Variants in B3GALT1 observed in about 807,000 individuals in gnomAD.
B3GALT1 encodes the protein beta-1,3-galactosyltransferase 1.
B3GALT1 carries 10 observed loss-of-function variants against 23.2 expected under a neutral mutation model. The observed-to-expected ratio is 0.43, with a 90% CI of 0.27 to 0.73. B3GALT1 has a LOEUF of 0.73. Among genes scored for constraint, B3GALT1 ranks in the 30% least tolerant of loss-of-function variants. The pLI, the probability that B3GALT1 is intolerant of heterozygous loss-of-function variation, is 0.21. For missense variants in B3GALT1, 299 were observed against 405.4 expected (o/e 0.74, Z 2.25); for synonymous variants, 156 against 141.5 (o/e 1.10, Z -0.73).
rs1004683367 is a variant in B3GALT1, at chr2:167,299,971, C to T, written c.-511+6637C>T. 1.1e-4 allele frequency among the ~76,000 whole-genome samples: 16 copies of T among 152,078 alleles called. No homozygotes were observed. The Middle Eastern group carries it at 0.01, about 97-fold the overall frequency. ...AGGCTGGAGTGCAGTGGTGCCATCT[C>T]GGCTCACTGCAACCTCTTCCTCCCG... On this transcript the variant is annotated intron_variant, in intron 1 of 4. Coordinates refer to ENST00000392690, the MANE Select transcript of B3GALT1 (RefSeq NM_020981.4).
rs184258333 is a variant in B3GALT1 at position 167,470,472 on chromosome 2, G to A, written c.-510-19705G>A. Reference sequence around the variant, plus strand: ...ATCCAGTGCAATTTATTGGAATACTGTAAAGAATTGGATTTTAAATAATAG... The same window carrying A: ...ATCCAGTGCAATTTATTGGAATACTATAAAGAATTGGATTTTAAATAATAG... On this transcript the variant is annotated intron_variant, in intron 1 of 4. Coordinates refer to ENST00000392690, the MANE Select transcript of B3GALT1 (RefSeq NM_020981.4). Among the ~76,000 whole-genome samples the A allele has an allele frequency of 2.8e-3, 425 of 152,220 alleles. 2 individuals are homozygous for A. The highest frequency in any genetic ancestry group is 4.4e-3 in the Non-Finnish European group (296 of 68,004).
chr2:167,652,295 G>C (rs1363807532), intron 3 of B3GALT1, among the ~76,000 whole-genome samples: 3 of 152,156 alleles, frequency 2.0e-5, no homozygotes. Flanking sequence ...AGGCAGACAA[G>C]CTTGTTCTTG....
intron 1 of B3GALT1, among the ~76,000 whole-genome samples, chr2:167,310,352 T>G (rs1040410648): frequency 6.6e-6 from 1 of 152,066 alleles, no homozygotes; most frequent in South Asian, 2.1e-4. Context: ...GTAGTATGAT[T>G]GCTATGAATA....
intron 2 of B3GALT1, among the ~76,000 whole-genome samples, chr2:167,544,663 CTT>C (rs1241350574): frequency 4.6e-5 from 7 of 152,108 alleles, no homozygotes; most frequent in Non-Finnish European, 1.0e-4. Flanking sequence ...AGGAAGGAGA[CTT>C]TACATGAAGA....
intron 2 of B3GALT1, among the ~76,000 whole-genome samples, chr2:167,534,290 G>C (rs188451943): frequency 1.4e-4 from 22 of 151,976 alleles, no homozygotes; most frequent in African/African-American, 5.3e-4. Context: ...TCTACATCTC[G>C]TAACTCCTCT....
At chr2:167,468,461 A>G (rs961298605) in intron 1 of B3GALT1, among the ~76,000 whole-genome samples, 4 of 152,220 alleles carry the variant, frequency 2.6e-5, no homozygotes, top group Non-Finnish European at 5.9e-5. Flanking sequence ...ATGTTTTTCT[A>G]AGTAAATACA....
At chr2:167,667,736 A>G (rs1686230527) in intron 3 of B3GALT1, among the ~76,000 whole-genome samples, 1 of 152,148 alleles carries the variant, frequency 6.6e-6, no homozygotes, top group Non-Finnish European at 1.5e-5. Flanking sequence ...CTTCCAGTTG[A>G]TCGCATCGGC....
At chr2:167,776,148 G>A (rs2035157) in intron 3 of B3GALT1, among the ~76,000 whole-genome samples, 148,053 of 152,170 alleles carry the variant, frequency 0.97, 72,159 homozygotes, top group East Asian at 1. Flanking sequence ...AGTACCCAGC[G>A]CTTGTAGACC....
At chr2:167,837,190 A>G (rs1689500016) in intron 4 of B3GALT1, among the ~76,000 whole-genome samples, 2 of 152,234 alleles carry the variant, frequency 1.3e-5, no homozygotes, top group African/African-American at 4.8e-5. Flanking sequence ...TTAACTTTAA[A>G]TGTAAATAGA....
At chr2:167,371,870 T>C (rs541009429) in intron 1 of B3GALT1, among the ~76,000 whole-genome samples, 2 of 151,914 alleles carry the variant, frequency 1.3e-5, no homozygotes, top group Non-Finnish European at 2.9e-5. Flanking sequence ...TTTAGAAAAT[T>C]AGAGACTTCT....
At chr2:167,407,813 TAAC>T (rs1227589388) in intron 1 of B3GALT1, among the ~76,000 whole-genome samples, 1 of 151,910 alleles carries the variant, frequency 6.6e-6, no homozygotes, top group African/African-American at 2.4e-5. Context: ...CAATAACAAG[TAAC>T]AAGATTTAAG....
intron 3 of B3GALT1, among the ~76,000 whole-genome samples, chr2:167,766,056 C>T (rs779475844): frequency 2.1e-4 from 32 of 152,168 alleles, no homozygotes; most frequent in Non-Finnish European, 3.8e-4. Flanking sequence ...CATAAATTTA[C>T]GGATTGGATG....
chr2:167,648,184 A>T (rs564554377), intron 3 of B3GALT1, among the ~76,000 whole-genome samples: 1 of 152,094 alleles, frequency 6.6e-6, no homozygotes, highest in African/African-American at 2.4e-5. Flanking sequence ...GATATCTCAA[A>T]TTTTCAGTTC....
chr2:167,426,689 A>G (rs572086189), intron 1 of B3GALT1, among the ~76,000 whole-genome samples: 81 of 152,348 alleles, frequency 5.3e-4, no homozygotes, highest in African/African-American at 1.8e-3. Context: ...AAATAAATGC[A>G]AATAATGGCC....
At position 167,436,401 on chromosome 2, in the gene B3GALT1, C is replaced by G. The variant is rs73023878; in HGVS notation, c.-510-53776C>G. On this transcript the variant is annotated intron_variant, in intron 1 of 4. Coordinates refer to ENST00000392690, the MANE Select transcript of B3GALT1 (RefSeq NM_020981.4). ...TAATGACTTGCTCCCTCATTACTTTCAGGTTTCTACGAATACTTGTCCTTA... is the reference window on the plus strand; with the variant it reads ...TAATGACTTGCTCCCTCATTACTTTGAGGTTTCTACGAATACTTGTCCTTA... Among the ~76,000 whole-genome samples, 378 of 152,228 alleles carry G rather than the reference C, an allele frequency of 2.5e-3. 1 individual carries two copies. Among genetic ancestry groups the G allele is most frequent in the African/African-American group, 9.0e-3 (374 of 41,544 alleles).
intron 2 of B3GALT1, among the ~76,000 whole-genome samples, chr2:167,564,673 C>A (rs1684117836): frequency 6.6e-6 from 1 of 152,184 alleles, no homozygotes; most frequent in Non-Finnish European, 1.5e-5. Flanking sequence ...CCAGCCCGGC[C>A]AACACAGCGA....
chr2:167,444,201 A>C (rs771698320), intron 1 of B3GALT1, among the ~76,000 whole-genome samples: 48 of 152,238 alleles, frequency 3.2e-4, no homozygotes, highest in Non-Finnish European at 6.6e-4. Context: ...CCAGCCTTGC[A>C]TCCCAGGGAT....
chr2:167,816,745 A>G (rs2105359313), intron 3 of B3GALT1, among the ~76,000 whole-genome samples: 1 of 152,320 alleles, frequency 6.6e-6, no homozygotes, highest in Middle Eastern at 3.4e-3. Flanking sequence ...TTCCAATGTC[A>G]ACATTCAGTA....
At chr2:167,802,447 A>T (rs564803332) in intron 3 of B3GALT1, among the ~76,000 whole-genome samples, 1 of 152,280 alleles carries the variant, frequency 6.6e-6, no homozygotes, top group African/African-American at 2.4e-5. Context: ...TGAATGCATG[A>T]TTGTTGTAAA....
Sources: gnomAD v4.1 joint callset for allele counts (sites outside exome capture counted in the v4.1 genomes callset) on GRCh38, gnomAD v4.1.1 for gene constraint, MANE v1.5 for transcripts, NCBI Gene and HGNC (gene_info 2026-07-23, HGNC 2026-07-21) for gene names.